The following SPTBN1 variants were observed in gnomAD, a reference collection of about 807,000 sequenced individuals.
The protein encoded by SPTBN1 is spectrin beta, non-erythrocytic 1, also known as spectrin beta chain, non-erythrocytic 1.
Under a neutral mutation model 266.4 loss-of-function variants are expected in SPTBN1, and 32 were observed. The observed-to-expected ratio is 0.12, with a 90% confidence interval of 0.09 to 0.16. The LOEUF (loss-of-function observed/expected upper bound fraction) is 0.16, where lower values mean the gene tolerates loss of function less well. SPTBN1 is among the 10% of genes least tolerant of loss of function. The pLI is 1.00. For synonymous variants in SPTBN1, 1,336 were observed against 1,162.2 expected (o/e 1.15, Z -3.04); for missense variants, 2,296 against 3,067.1 (o/e 0.75, Z 5.94).
At chr2:54,652,605 G>A (rs1485523989) in intron 26 of SPTBN1, 1 of 152,200 alleles carries the variant, frequency 6.6e-6, no homozygotes, top group African/African-American at 2.4e-5. Flanking sequence ...ATTCCCCAAA[G>A]TAGGATCATA....
chr2:54,497,018 T>C (rs181733547), intron 1 of SPTBN1, among the ~76,000 whole-genome samples: 12 of 152,356 alleles, frequency 7.9e-5, no homozygotes, highest in Middle Eastern at 3.4e-3. Context: ...TATGCGCATA[T>C]GTTTATGGAA....
intron 1 of SPTBN1, among the ~76,000 whole-genome samples, chr2:54,461,726 C>T (rs918897504): frequency 2.0e-5 from 3 of 152,164 alleles, no homozygotes; most frequent in African/African-American, 4.8e-5. Context: ...TTGGGTTCTT[C>T]GTTTTGTGAA....
chr2:54,487,830 G>GTTTTTTTTTTTTTTTTTTTTT (rs1558770807), intron 1 of SPTBN1, among the ~76,000 whole-genome samples: 6 of 5,934 alleles, frequency 1.0e-3, no homozygotes, highest in East Asian at 6.5e-3. Context: ...CTCCTCCTGT[G>GTTTTTTTTTTTTTTTTTTTTT]TCTTTTTTTT....
chr2:54,519,632 T>G (rs956838016), intron 1 of SPTBN1, among the ~76,000 whole-genome samples: 1 of 152,212 alleles, frequency 6.6e-6, no homozygotes. Flanking sequence ...TCATTTTCTC[T>G]CCTAAGGCTT....
intron 2 of SPTBN1, among the ~76,000 whole-genome samples, chr2:54,597,691 C>T (rs1047903655): frequency 1.3e-5 from 2 of 152,104 alleles, no homozygotes; most frequent in African/African-American, 4.8e-5. Flanking sequence ...GTGAGTTTAG[C>T]AAAGCCTTCA....
In SPTBN1 at chr2:54,638,023, A is replaced by G. The variant is rs542412232; in HGVS notation, c.3858+220A>G. Reference sequence around the variant, plus strand: ...TAATCTAGACTATTATATTAATAGTATAGTACTGCACTGTTCATTACAGTA... The same window carrying G: ...TAATCTAGACTATTATATTAATAGTGTAGTACTGCACTGTTCATTACAGTA... On this transcript the variant is annotated intron_variant, in intron 18 of 35. Transcript: ENST00000356805. Among the ~76,000 whole-genome samples the G allele has an allele frequency of 5.3e-5, 8 of 152,364 alleles. No individual in the cohort carries two copies. The South Asian group carries it at 1.7e-3, about 32-fold the overall frequency.
At chr2:54,492,303 G>T (rs1428986816) in intron 1 of SPTBN1, among the ~76,000 whole-genome samples, 1 of 148,294 alleles carries the variant, frequency 6.7e-6, no homozygotes, top group African/African-American at 2.5e-5. Flanking sequence ...TCTAAAGTAG[G>T]TGTGCCCTAT....
chr2:54,625,503 C>T (rs529356229), intron 11 of SPTBN1, among the ~76,000 whole-genome samples: 1 of 150,288 alleles, frequency 6.7e-6, no homozygotes, highest in Non-Finnish European at 1.5e-5. Flanking sequence ...TTAAGACCAC[C>T]AGGGATTAAT....
chr2:54,649,214 A>C lies in SPTBN1; in HGVS notation c.5202+24A>C, dbSNP rs1206053962. ...CGGCAAGTACTTGAGGCAGTGCATG[A>C]GTTGGTTGTGCAGTAAGCGATGGTG... On this transcript the variant is annotated intron_variant, in intron 25 of 35. Coordinates refer to ENST00000356805, the MANE Select transcript of SPTBN1 (RefSeq NM_003128.3). This position sits in a 1 kb window ranked among gnomAD's most constrained non-coding sequence, Gnocchi z 6.7. The C allele has an allele frequency of 6.3e-7, 1 of 1,579,992 alleles. No homozygotes were observed. The highest frequency in any genetic ancestry group is 8.6e-7 in the Non-Finnish European group (1 of 1,156,404).
chr2:54,537,903 A>G (rs17415857), intron 2 of SPTBN1, among the ~76,000 whole-genome samples: 5,601 of 152,342 alleles, frequency 0.037, 153 homozygotes, highest in Admixed American at 0.089. Context: ...TCAAATGTCT[A>G]GAGCAGTGAA....
chr2:54,633,839 T>C (rs1678932665), intron 17 of SPTBN1, among the ~76,000 whole-genome samples: 1 of 152,212 alleles, frequency 6.6e-6, no homozygotes, highest in Non-Finnish European at 1.5e-5. Context: ...CCAATAAAGA[T>C]TGAGCTCCTG....
intron 11 of SPTBN1, among the ~76,000 whole-genome samples, chr2:54,625,183 G>A (rs1481408014): frequency 6.6e-6 from 1 of 152,188 alleles, no homozygotes; most frequent in Non-Finnish European, 1.5e-5. Context: ...AGCTCAAGCA[G>A]AGTTTGTTTT....
At chr2:54,561,451 C>G (rs1343737737) in intron 2 of SPTBN1, among the ~76,000 whole-genome samples, 1 of 151,618 alleles carries the variant, frequency 6.6e-6, no homozygotes, top group Non-Finnish European at 1.5e-5. Flanking sequence ...GGTTTAATGC[C>G]TCTGATATGA....
In SPTBN1 at chr2:54,558,495, T is replaced by C; in HGVS notation, c.148+31929T>C. ...TGAAGTAGAACCTGCGCCTCCTCTCTGCTTCTCCCTCCTCCTCAGTAATTT... is the reference window on the plus strand; with the variant it reads ...TGAAGTAGAACCTGCGCCTCCTCTCCGCTTCTCCCTCCTCCTCAGTAATTT... On this transcript the variant is annotated intron_variant, in intron 2 of 35. Coordinates refer to ENST00000356805, the MANE Select transcript of SPTBN1 (RefSeq NM_003128.3). The surrounding 1 kb of genome is among the most constrained non-coding windows in gnomAD (Gnocchi z 4.6). 9.4e-6 allele frequency: 11 copies of C among 1,168,942 alleles called. No homozygotes were observed. Among genetic ancestry groups the C allele is most frequent in the Non-Finnish European group, 1.1e-5 (10 of 945,696 alleles). 72.4% of individuals were successfully genotyped at this position (1,168,942 alleles called of 1,614,324 possible). A position where few individuals can be genotyped will look rare whatever the true frequency, so the allele number is the denominator to read the frequency against.
intron 2 of SPTBN1, among the ~76,000 whole-genome samples, chr2:54,530,163 T>G (rs1237844755): frequency 6.6e-6 from 1 of 152,014 alleles, no homozygotes; most frequent in Non-Finnish European, 1.5e-5. Flanking sequence ...CTGCAAAACA[T>G]GTAGGAATTC....
intron 9 of SPTBN1, among the ~76,000 whole-genome samples, 192 bp downstream of exon 9, chr2:54,622,679 A>G (rs958086339): frequency 2.0e-5 from 3 of 152,174 alleles, no homozygotes; most frequent in South Asian, 2.1e-4. Flanking sequence ...GCCCTTCCCA[A>G]TATAAATGTG....
chr2:54,503,298 T>G (rs913305491), intron 1 of SPTBN1, among the ~76,000 whole-genome samples: 2 of 152,166 alleles, frequency 1.3e-5, no homozygotes, highest in African/African-American at 4.8e-5. Flanking sequence ...GTCAGCCAGT[T>G]GCTGCCTTCC....
At chr2:54,660,481 T>TA in intron 32 of SPTBN1, 1 of 989,574 alleles carries the variant, frequency 1.0e-6, no homozygotes, top group Non-Finnish European at 1.2e-6. Flanking sequence ...GTTATTAACC[T>TA]ATAGTAGTTT....
At chr2:54,477,371 T>G (rs1573228058) in intron 1 of SPTBN1, among the ~76,000 whole-genome samples, 1 of 150,498 alleles carries the variant, frequency 6.6e-6, no homozygotes, top group South Asian at 2.1e-4. Context: ...ACTCTCTAAC[T>G]CCCCAGACTT....
Sources: gnomAD v4.1 joint callset for allele counts (sites outside exome capture counted in the v4.1 genomes callset) on GRCh38, gnomAD v4.1.1 for gene constraint, Gnocchi (gnomAD v3.1) non-coding constraint, MANE v1.5 for transcripts, NCBI Gene and HGNC (gene_info 2026-07-23, HGNC 2026-07-21) for gene names.